Variants in DLG1 observed in about 807,000 individuals in gnomAD.
DLG1 encodes discs large MAGUK scaffold protein 1, also known as disks large homolog 1.
DLG1 carries 42 observed loss-of-function variants against 123.4 expected under a neutral mutation model. The ratio of observed to expected loss-of-function variants is 0.34; its 90% CI spans 0.27 to 0.44. DLG1 has a LOEUF of 0.44. Among genes scored for constraint, DLG1 ranks in the 20% least tolerant of loss-of-function variants. The pLI is 1.00. For missense variants in DLG1, 942 were observed against 1,082.6 expected, an observed-to-expected ratio of 0.87 and a Z score of 1.82; for synonymous variants, 317 against 356.2, an observed-to-expected ratio of 0.89 and a Z score of 1.24.
intron 6 of DLG1, among the ~76,000 whole-genome samples, chr3:197,145,496 AACT>A (rs780081055): frequency 1.4e-4 from 22 of 152,192 alleles, no homozygotes; most frequent in Non-Finnish European, 2.9e-4. Flanking sequence ...CAAATCCCAC[AACT>A]GCTAGCTGCA....
At chr3:197,275,020 T>C (rs1344985830) in intron 4 of DLG1, among the ~76,000 whole-genome samples, 1 of 152,022 alleles carries the variant, frequency 6.6e-6, no homozygotes, top group Non-Finnish European at 1.5e-5. Flanking sequence ...CTGTGTCTAC[T>C]AAAAATATTT....
intron 3 of DLG1, 151 bp downstream of exon 3, chr3:197,296,195 G>A (rs1777277480): frequency 4.2e-6 from 3 of 709,058 alleles, no homozygotes; most frequent in South Asian, 4.6e-5. Flanking sequence ...AAAGGACACT[G>A]GCCTATGAAA....
At chr3:197,102,768 G>C (rs1477171067) in intron 14 of DLG1, among the ~76,000 whole-genome samples, 3 of 152,170 alleles carry the variant, frequency 2.0e-5, no homozygotes, top group African/African-American at 7.2e-5. Flanking sequence ...CCACCTACTT[G>C]GGAGGCTTGA....
At chr3:197,044,758 C>T in intron 24 of DLG1, 29 bp from the exon 25 acceptor site, 2 of 1,376,216 alleles carry the variant, frequency 1.5e-6, no homozygotes, top group Non-Finnish European at 2.0e-6. Context: ...AATCAGAAAT[C>T]TCCATTAATT....
rs1781998466 is a variant in DLG1 at position 197,130,615 on chromosome 3, C to T, written c.1077G>A (p.Lys359=). ...VTHEEAVTAL[K]NTSDFVYLKV... is the part of the protein sequence containing the mutation. ...TCAAATAAACAAAATCAGATGTGTT[C>T]TTTAAGGCAGTTACTGCTTCTTCAT... Residue 359 remains lysine (K), a synonymous_variant, in exon 11 of 25, where the codon AAG becomes AAA. Transcript: ENST00000667157. The T allele has an allele frequency of 1.9e-6, 3 of 1,610,740 alleles. No homozygotes were observed. The highest frequency in any genetic ancestry group is 1.7e-6 in the Non-Finnish European group (2 of 1,178,916).
chr3:197,143,541 C>A (rs1789147392), intron 6 of DLG1, among the ~76,000 whole-genome samples: 1 of 152,158 alleles, frequency 6.6e-6, no homozygotes, highest in South Asian at 2.1e-4. Context: ...CAGGCGTGAG[C>A]CACCGTGCCT....
At chr3:197,141,213 C>A (rs949970319) in intron 7 of DLG1, among the ~76,000 whole-genome samples, 1 of 152,154 alleles carries the variant, frequency 6.6e-6, no homozygotes, top group Non-Finnish European at 1.5e-5. Flanking sequence ...GTTTTTCAAT[C>A]TAACTTCATG....
At chr3:197,178,273 C>T (rs966947822) in intron 5 of DLG1, among the ~76,000 whole-genome samples, 19 of 151,922 alleles carry the variant, frequency 1.3e-4, no homozygotes, top group Admixed American at 3.3e-4. Context: ...TGAAAAGTGG[C>T]CAAATCATAA....
chr3:197,189,553 A>G (rs1402762858), intron 5 of DLG1, among the ~76,000 whole-genome samples: 1 of 152,064 alleles, frequency 6.6e-6, no homozygotes, highest in African/African-American at 2.4e-5. Flanking sequence ...GGGAAAGGGG[A>G]CTAGTGAGGG....
intron 14 of DLG1, among the ~76,000 whole-genome samples, chr3:197,100,804 G>A (rs985417507): frequency 2.6e-5 from 4 of 152,102 alleles, no homozygotes; most frequent in South Asian, 2.1e-4. Context: ...TGCAGCTTCC[G>A]AGAAATGAAG....
intron 22 of DLG1, among the ~76,000 whole-genome samples, chr3:197,063,119 TC>T (rs1467851980): frequency 6.6e-6 from 1 of 151,458 alleles, no homozygotes; most frequent in Non-Finnish European, 1.5e-5. Context: ...TTAAGACTTC[TC>T]CCCTCTTCAA....
At chr3:197,146,357 C>CA (rs1336140328) in intron 6 of DLG1, among the ~76,000 whole-genome samples, 3 of 152,004 alleles carry the variant, frequency 2.0e-5, no homozygotes, top group Non-Finnish European at 4.4e-5. Context: ...CCAAACTAAG[C>CA]AAAAGGAACA....
intron 4 of DLG1, among the ~76,000 whole-genome samples, chr3:197,279,726 A>C (rs1768250972): frequency 6.6e-6 from 1 of 152,222 alleles, no homozygotes. Context: ...TAAAAATTGA[A>C]GTGTTACCAA....
intron 3 of DLG1, among the ~76,000 whole-genome samples, chr3:197,287,972 G>C (rs746423395): frequency 6.6e-6 from 1 of 152,032 alleles, no homozygotes; most frequent in Middle Eastern, 3.2e-3. Flanking sequence ...TAAGAATATA[G>C]TAAAGAATTG....
rs543509911 is a variant in DLG1 at position 197,228,373 on chromosome 3, G to A, written c.319-33784C>T. ...CTAATAGAACAAAATGTCAGGCAAA[G>A]TTCAAGCATGTCCACTTAGCCTGTG... On this transcript the variant is annotated intron_variant, in intron 4 of 24. Coordinates refer to ENST00000667157, the MANE Select transcript of DLG1 (RefSeq NM_001366207.1). Among the ~76,000 whole-genome samples the A allele has an allele frequency of 3.9e-5, 6 of 152,332 alleles. No homozygotes were observed. The East Asian group carries it at 1.2e-3, about 29-fold the overall frequency.
chr3:197,214,128 T>C (rs1732750068), intron 4 of DLG1, among the ~76,000 whole-genome samples: 1 of 152,146 alleles, frequency 6.6e-6, no homozygotes, highest in Non-Finnish European at 1.5e-5. Flanking sequence ...GATTATTGAA[T>C]AAACAGTATT....
intron 11 of DLG1, among the ~76,000 whole-genome samples, chr3:197,120,678 A>G (rs1775865582): frequency 6.6e-6 from 1 of 152,234 alleles, no homozygotes; most frequent in African/African-American, 2.4e-5. Flanking sequence ...TCAAATTACT[A>G]TAGTGGCCAG....
intron 4 of DLG1, among the ~76,000 whole-genome samples, chr3:197,223,383 T>C (rs901633879): frequency 1.3e-5 from 2 of 152,230 alleles, no homozygotes; most frequent in African/African-American, 2.4e-5. Context: ...AATCTATTAC[T>C]GTAACCTTCT....
chr3:197,232,533 A>G (rs1420289500), intron 4 of DLG1, among the ~76,000 whole-genome samples: 1 of 152,160 alleles, frequency 6.6e-6, no homozygotes, highest in Non-Finnish European at 1.5e-5. Flanking sequence ...GGAGGAAACA[A>G]AACTTTGTTA....
Sources: gnomAD v4.1 joint callset for allele counts (sites outside exome capture counted in the v4.1 genomes callset) on GRCh38, gnomAD v4.1.1 for gene constraint, MANE v1.5 for transcripts, NCBI Gene and HGNC (gene_info 2026-07-23, HGNC 2026-07-21) for gene names.